CTIF: variants seen among roughly 807,000 people sequenced by gnomAD.
The protein encoded by CTIF is cap binding complex dependent translation initiation factor, also known as CBP80/20-dependent translation initiation factor.
In CTIF, 21 loss-of-function variants were observed where a neutral mutation model predicts 66.0. The observed-to-expected ratio is 0.32, with a 90% CI of 0.23 to 0.46. CTIF has a LOEUF of 0.46. Ranked by LOEUF, CTIF falls within the 20% of genes least tolerant of loss-of-function variation. The pLI, the probability that CTIF is intolerant of heterozygous loss-of-function variation, is 1.00. For synonymous variants in CTIF, 345 were observed against 326.4 expected, an observed-to-expected ratio of 1.06 and a Z score of -0.62; for missense variants, 739 against 812.7, an observed-to-expected ratio of 0.91 and a Z score of 1.10.
chr18:48,551,103 G>A (rs1054083217), intron 1 of CTIF, among the ~76,000 whole-genome samples: 6 of 149,692 alleles, frequency 4.0e-5, no homozygotes, highest in African/African-American at 1.5e-4. Flanking sequence ...GGTAAAATGA[G>A]ATCATGAGAG....
At chr18:48,660,713 T>TA (rs1277670863) in intron 3 of CTIF, among the ~76,000 whole-genome samples, 3 of 152,330 alleles carry the variant, frequency 2.0e-5, no homozygotes, top group Admixed American at 6.5e-5. Flanking sequence ...CAGTGACTGT[T>TA]ACTGTGACCT....
At chr18:48,711,532 A>T in intron 6 of CTIF, 87 bp from the exon 7 acceptor site, 1 of 980,186 alleles carries the variant, frequency 1.0e-6, no homozygotes, top group Non-Finnish European at 1.6e-6. Flanking sequence ...TCTGTCTTAG[A>T]TGCTGGTGTA....
At chr18:48,827,495 A>G (rs1447564962) in intron 10 of CTIF, among the ~76,000 whole-genome samples, 1 of 152,224 alleles carries the variant, frequency 6.6e-6, no homozygotes, top group Non-Finnish European at 1.5e-5. Flanking sequence ...GCAACTCCCC[A>G]GCTCCTGATT....
intron 7 of CTIF, among the ~76,000 whole-genome samples, chr18:48,734,611 G>A (rs1284126726): frequency 6.6e-6 from 1 of 152,164 alleles, no homozygotes; most frequent in African/African-American, 2.4e-5. Context: ...GATTCATTGG[G>A]GTTCATTTGC....
In CTIF at chr18:48,761,449, G is replaced by A. The variant is rs1908979472; in HGVS notation, c.1131G>A (p.Glu377=). The change falls in exon 9 of 12, where the codon GAG becomes GAA. Residue 377 remains glutamate (E), a synonymous_variant. Coordinates refer to ENST00000256413, the MANE Select transcript of CTIF (RefSeq NM_014772.3). The surrounding 1 kb of genome is among the most constrained non-coding windows in gnomAD (Gnocchi z 4.2). ...AGAACAAGATGGACAAGCTGATCGA[G>A]ATCCTGAACAGCATGCGGAACAACA... The part of the protein sequence containing the change: ...PQQNKMDKLI[E]ILNSMRNNSS... The A allele has an allele frequency of 6.2e-7, 1 of 1,614,046 alleles. No homozygotes were observed. The highest frequency in any genetic ancestry group is 8.5e-7 in the Non-Finnish European group (1 of 1,180,054).
chr18:48,564,555 T>A (rs995606274), intron 1 of CTIF, among the ~76,000 whole-genome samples: 1 of 152,170 alleles, frequency 6.6e-6, no homozygotes. Context: ...GGGGAGATAT[T>A]TTGGAAAACA....
chr18:48,790,255 C>T (rs780425876), intron 9 of CTIF, among the ~76,000 whole-genome samples: 1 of 152,226 alleles, frequency 6.6e-6, no homozygotes, highest in Non-Finnish European at 1.5e-5. Flanking sequence ...TTCTAAGACC[C>T]AGACTGGGGA....
chr18:48,616,721 A>G (rs1197249206), intron 1 of CTIF, among the ~76,000 whole-genome samples: 1 of 152,184 alleles, frequency 6.6e-6, no homozygotes, highest in Non-Finnish European at 1.5e-5. Flanking sequence ...TCCTACTATT[A>G]GCAGAAATTG....
intron 1 of CTIF, among the ~76,000 whole-genome samples, chr18:48,562,803 G>A (rs1039729896): frequency 2.6e-5 from 4 of 152,142 alleles, no homozygotes; most frequent in Non-Finnish European, 4.4e-5. Context: ...TTTCAAAACC[G>A]TAACTGAAAG....
At chr18:48,645,345 GAT>G (rs1315104820) in intron 3 of CTIF, among the ~76,000 whole-genome samples, 1 of 143,544 alleles carries the variant, frequency 7.0e-6, no homozygotes, top group Non-Finnish European at 1.5e-5. Flanking sequence ...AAGAGAAAAA[GAT>G]AGGATAGAGA....
chr18:48,613,015 G>C (rs17762618), intron 1 of CTIF, among the ~76,000 whole-genome samples: 1 of 152,100 alleles, frequency 6.6e-6, no homozygotes, highest in Non-Finnish European at 1.5e-5. Context: ...TGCGGGCCTC[G>C]AATGATGGAT....
chr18:48,812,752 T>G (rs1599093383), intron 9 of CTIF, among the ~76,000 whole-genome samples: 1 of 120,752 alleles, frequency 8.3e-6, no homozygotes, highest in Non-Finnish European at 1.6e-5. Flanking sequence ...AGACCCTGTC[T>G]CAAAAAAAAA....
intron 7 of CTIF, among the ~76,000 whole-genome samples, chr18:48,730,263 G>A (rs1301337303): frequency 1.4e-5 from 2 of 146,708 alleles, no homozygotes; most frequent in Non-Finnish European, 1.5e-5. Context: ...AGGGGCCCCC[G>A]CAGTGTGAGG....
intron 9 of CTIF, among the ~76,000 whole-genome samples, chr18:48,805,622 A>G (rs9966237): frequency 0.16 from 24,637 of 152,272 alleles, 2,129 homozygotes; most frequent in Admixed American, 0.2. Context: ...AAGCCAAGAA[A>G]CATCACTGTA....
chr18:48,547,724 G>A (rs2088785144), intron 1 of CTIF, among the ~76,000 whole-genome samples: 1 of 152,192 alleles, frequency 6.6e-6, no homozygotes, highest in Admixed American at 6.5e-5. Flanking sequence ...CATTTGTCAA[G>A]CTGAGATTCT....
intron 3 of CTIF, among the ~76,000 whole-genome samples, chr18:48,647,661 T>C (rs1298494857): frequency 6.6e-6 from 1 of 152,242 alleles, no homozygotes; most frequent in Non-Finnish European, 1.5e-5. Flanking sequence ...AGTATTTCTA[T>C]TTCCTCAGAA....
At chr18:48,850,409 A>G (rs919158602) in intron 10 of CTIF, among the ~76,000 whole-genome samples, 1 of 152,202 alleles carries the variant, frequency 6.6e-6, no homozygotes, top group African/African-American at 2.4e-5. Context: ...GGCGATCCCA[A>G]ATAGAACATA....
At chr18:48,794,451 AG>A (rs2067864782) in intron 9 of CTIF, among the ~76,000 whole-genome samples, 2 of 152,128 alleles carry the variant, frequency 1.3e-5, no homozygotes, top group Non-Finnish European at 2.9e-5. Flanking sequence ...TGGCCTCCCC[AG>A]GGTGGGCGAA....
At position 48,553,660 on chromosome 18, in the gene CTIF, C is replaced by CTT. The variant is rs1276662351; in HGVS notation, c.-29+14361_-29+14362dup. 9.1e-5 allele frequency among the ~76,000 whole-genome samples: 12 copies of CTT among 132,340 alleles called. No homozygotes were observed. The East Asian group carries it at 1.0e-3, about 11-fold the overall frequency. 86.8% of individuals were successfully genotyped at this position (132,340 alleles called of 152,430 possible). A position where few individuals can be genotyped will look rare whatever the true frequency, so the allele number is the denominator to read the frequency against. On this transcript the variant is annotated intron_variant, in intron 1 of 11. Transcript: ENST00000256413. ...GACTTTCTTTTTCTTTTTCTTTTTC[C>CTT]TTTTTTTTTTTTTTGAGACAAGTCT...
Sources: allele counts gnomAD v4.1 joint callset (sites outside exome capture counted in the v4.1 genomes callset), GRCh38; gene constraint gnomAD v4.1.1; non-coding constraint Gnocchi (gnomAD v3.1); transcripts MANE v1.5; gene names NCBI Gene and HGNC (gene_info 2026-07-23, HGNC 2026-07-21).